The following PABPC4L variants were observed in gnomAD, a reference collection of about 807,000 sequenced individuals.
PABPC4L encodes the protein poly(A) binding protein cytoplasmic 4 like.
For synonymous variants in PABPC4L, 169 were observed against 164.1 expected (o/e 1.03, Z -0.23); for missense variants, 452 against 451.4 (o/e 1.00, Z -0.01).
chr4:134,060,054 C>G, the PABPC4L span, among the ~76,000 whole-genome samples: 1 of 151,974 alleles, frequency 6.6e-6, no homozygotes, highest in African/African-American at 2.4e-5. Context: ...ACAGTGATTG[C>G]GAGACATTGC....
At chr4:134,138,419 C>A in the PABPC4L span, among the ~76,000 whole-genome samples, 1 of 151,748 alleles carries the variant, frequency 6.6e-6, no homozygotes, top group Non-Finnish European at 1.5e-5. Context: ...GAAAAACTTT[C>A]TGTCTTTTTT....
chr4:134,003,634 T>C, the PABPC4L span, among the ~76,000 whole-genome samples: 2 of 152,058 alleles, frequency 1.3e-5, no homozygotes, highest in East Asian at 1.9e-4. Flanking sequence ...GGCACAGTAC[T>C]GTATGTGATG....
At chr4:134,121,992 G>A in the PABPC4L span, among the ~76,000 whole-genome samples, 3 of 151,642 alleles carry the variant, frequency 2.0e-5, no homozygotes, top group South Asian at 2.1e-4. Flanking sequence ...TTAGTTACCC[G>A]AAAGTAACTT....
chr4:134,114,219 C>A, the PABPC4L span, among the ~76,000 whole-genome samples: 7 of 151,652 alleles, frequency 4.6e-5, no homozygotes, highest in African/African-American at 1.5e-4. Flanking sequence ...CAGAGACTCT[C>A]TTCACATCTG....
the PABPC4L span, among the ~76,000 whole-genome samples, chr4:133,970,300 C>T: frequency 2.0e-5 from 3 of 151,854 alleles, no homozygotes; most frequent in South Asian, 6.2e-4. Context: ...TTTATTCCAA[C>T]TATTAGATAT....
At chr4:134,029,571 T>C in the PABPC4L span, among the ~76,000 whole-genome samples, 1 of 152,018 alleles carries the variant, frequency 6.6e-6, no homozygotes, top group Admixed American at 6.6e-5. Flanking sequence ...TAGCTAGATA[T>C]ACAGAATAGG....
At chr4:134,112,476 A>G in the PABPC4L span, among the ~76,000 whole-genome samples, 6 of 151,952 alleles carry the variant, frequency 3.9e-5, no homozygotes, top group South Asian at 2.1e-4. Context: ...ATTTGAAGTT[A>G]TCTACTCAAC....
At chr4:134,019,182 T>A in the PABPC4L span, among the ~76,000 whole-genome samples, 1 of 152,168 alleles carries the variant, frequency 6.6e-6, no homozygotes, top group Non-Finnish European at 1.5e-5. Context: ...AGAAGGAATC[T>A]GTTTGTCAGC....
the PABPC4L span, among the ~76,000 whole-genome samples, chr4:133,973,679 G>A: frequency 6.6e-6 from 1 of 152,046 alleles, no homozygotes; most frequent in Non-Finnish European, 1.5e-5. Context: ...TGACCACCTG[G>A]AAACTTTCTG....
At chr4:134,037,380 C>T in the PABPC4L span, among the ~76,000 whole-genome samples, 2 of 151,952 alleles carry the variant, frequency 1.3e-5, no homozygotes, top group Non-Finnish European at 2.9e-5. Flanking sequence ...AAGTATGTTC[C>T]TATGCATTTT....
chr4:134,159,886 A>G, the PABPC4L span, among the ~76,000 whole-genome samples: 2 of 152,122 alleles, frequency 1.3e-5, no homozygotes, highest in Non-Finnish European at 2.9e-5. Context: ...TTTAGGGGAA[A>G]AAGAAAGAAT....
chr4:134,168,731 A>G, the PABPC4L span, among the ~76,000 whole-genome samples: 1 of 151,986 alleles, frequency 6.6e-6, no homozygotes, highest in East Asian at 1.9e-4. Context: ...AAAAATCAGA[A>G]ACCTGAATAG....
At chr4:134,184,980 C>A in the PABPC4L span, among the ~76,000 whole-genome samples, 3,398 of 152,060 alleles carry the variant, frequency 0.022, 124 homozygotes, top group African/African-American at 0.077. Context: ...TATCTCCTTT[C>A]TTGAGATGTC....
chr4:134,011,803 A>G, the PABPC4L span, among the ~76,000 whole-genome samples: 1 of 152,100 alleles, frequency 6.6e-6, no homozygotes, highest in African/African-American at 2.4e-5. Flanking sequence ...ATATTTCTTG[A>G]CTCAATCATT....
At chr4:134,054,847 T>C in the PABPC4L span, among the ~76,000 whole-genome samples, 1 of 152,096 alleles carries the variant, frequency 6.6e-6, no homozygotes, top group Admixed American at 6.6e-5. Context: ...GTACAGGTTT[T>C]TGTGTGAACA....
chr4:133,973,582 T>C, the PABPC4L span, among the ~76,000 whole-genome samples: 1 of 152,114 alleles, frequency 6.6e-6, no homozygotes, highest in Non-Finnish European at 1.5e-5. Context: ...TCATGACTGA[T>C]GAAAACCAGT....
chr4:133,982,626 G>T, the PABPC4L span, among the ~76,000 whole-genome samples: 1 of 151,928 alleles, frequency 6.6e-6, no homozygotes, highest in African/African-American at 2.4e-5. Flanking sequence ...TGCTGGTTAT[G>T]AACGTTTTGG....
chr4:134,141,655 T>G, the PABPC4L span, among the ~76,000 whole-genome samples: 5 of 151,654 alleles, frequency 3.3e-5, no homozygotes. Flanking sequence ...TTCATTCATA[T>G]TATCTTCCTT....
the PABPC4L span, among the ~76,000 whole-genome samples, chr4:134,171,464 A>G: frequency 6.6e-6 from 1 of 152,082 alleles, no homozygotes; most frequent in Non-Finnish European, 1.5e-5. Flanking sequence ...CCACTTTTAA[A>G]TGGGGCTGTT....
Sources: allele counts gnomAD v4.1 joint callset (sites outside exome capture counted in the v4.1 genomes callset), GRCh38; gene constraint gnomAD v4.1.1; transcripts MANE v1.5; gene names NCBI Gene and HGNC (gene_info 2026-07-23, HGNC 2026-07-21).